The following STMN2 variants were observed in gnomAD, a reference collection of about 807,000 sequenced individuals.
STMN2 encodes the protein stathmin-2.
STMN2 carries 2 observed loss-of-function variants against 24.1 expected under a neutral mutation model. The observed-to-expected ratio is 0.08, with a 90% CI of 0.03 to 0.26. The LOEUF (loss-of-function observed/expected upper bound fraction) is 0.26. STMN2 is among the 10% of genes least tolerant of loss of function. STMN2 has a pLI of 1.00. For missense variants in STMN2, 114 were observed against 213.6 expected (o/e 0.53, Z 2.91); for synonymous variants, 83 against 77.5 (o/e 1.07, Z -0.37).
At chr8:79,636,403 C>T (rs1193831063) in intron 1 of STMN2, among the ~76,000 whole-genome samples, 1 of 152,164 alleles carries the variant, frequency 6.6e-6, no homozygotes, top group East Asian at 1.9e-4. Flanking sequence ...CCTCCGGAAT[C>T]TTACTTATGT....
chr8:79,638,279 C>T (rs1810012241), intron 2 of STMN2, among the ~76,000 whole-genome samples: 1 of 151,960 alleles, frequency 6.6e-6, no homozygotes, highest in Admixed American at 6.6e-5. Flanking sequence ...GACAAAGGAG[C>T]CAGGGATGGT....
At chr8:79,634,634 T>G (rs974113558) in intron 1 of STMN2, among the ~76,000 whole-genome samples, 2 of 152,244 alleles carry the variant, frequency 1.3e-5, no homozygotes, top group African/African-American at 2.4e-5. Flanking sequence ...ATCCAGAAGC[T>G]TCACCGTTGT....
rs1170390148 is a variant in STMN2 at position 79,611,179 on chromosome 8, G to A, written c.-17G>A. On this transcript the variant is annotated 5_prime_UTR_variant, in exon 1 of 5. Coordinates refer to ENST00000220876, the MANE Select transcript of STMN2 (RefSeq NM_007029.4). Reference sequence around the variant, plus strand: ...CCCTTTGCCTTCGCCACTGCTCAGCGTCTGCACATCCCTACAATGGCTAAA... The same window carrying A: ...CCCTTTGCCTTCGCCACTGCTCAGCATCTGCACATCCCTACAATGGCTAAA... 3 of 1,614,018 alleles carry A rather than the reference G, an allele frequency of 1.9e-6. No homozygotes were observed. The Admixed American group carries it at 5.0e-5, about 27-fold the overall frequency.
At chr8:79,637,270 A>G (rs564615438) in intron 2 of STMN2, among the ~76,000 whole-genome samples, 6 of 152,356 alleles carry the variant, frequency 3.9e-5, no homozygotes, top group African/African-American at 1.4e-4. Context: ...AAGAGAAAGA[A>G]TCAACAACCA....
At chr8:79,636,449 C>A (rs1333039879) in intron 1 of STMN2, among the ~76,000 whole-genome samples, 1 of 152,062 alleles carries the variant, frequency 6.6e-6, no homozygotes, top group Non-Finnish European at 1.5e-5. Flanking sequence ...TAGAATGAGC[C>A]TCTCTCTCTG....
chr8:79,655,556 G>A (rs1055061255), intron 4 of STMN2, among the ~76,000 whole-genome samples: 1 of 152,056 alleles, frequency 6.6e-6, no homozygotes, highest in Non-Finnish European at 1.5e-5. Context: ...CCATTCTAGG[G>A]TATAATAGCA....
At chr8:79,634,971 T>G (rs1261792386) in intron 1 of STMN2, among the ~76,000 whole-genome samples, 1 of 152,220 alleles carries the variant, frequency 6.6e-6, no homozygotes, top group East Asian at 1.9e-4. Context: ...CTGTTTATAC[T>G]TTCTCACAAG....
intron 4 of STMN2, among the ~76,000 whole-genome samples, chr8:79,661,378 G>T (rs1187645663): frequency 6.6e-6 from 1 of 151,984 alleles, no homozygotes; most frequent in Non-Finnish European, 1.5e-5. Context: ...GCATTTCCCT[G>T]ATGTTGACAA....
At position 79,657,805 on chromosome 8, in the gene STMN2, T is replaced by A. The variant is rs189021293; in HGVS notation, c.480+2743T>A. Among the ~76,000 whole-genome samples, 96 of 152,352 alleles carry A rather than the reference T, an allele frequency of 6.3e-4. No homozygotes were observed. The Middle Eastern group carries it at 0.01, about 16-fold the overall frequency. On this transcript the variant is annotated intron_variant, in intron 4 of 4. Coordinates refer to ENST00000220876, the MANE Select transcript of STMN2 (RefSeq NM_007029.4). ...AATTGTGGTTTACATATTGTGAATGTGTATACTAAAACTACTTTGCTTTTT... is the reference window on the plus strand; with the variant it reads ...AATTGTGGTTTACATATTGTGAATGAGTATACTAAAACTACTTTGCTTTTT...
At chr8:79,620,110 A>G (rs1018782467) in intron 1 of STMN2, among the ~76,000 whole-genome samples, 1 of 149,946 alleles carries the variant, frequency 6.7e-6, no homozygotes, top group Admixed American at 6.6e-5. Context: ...AAGCTCAAAT[A>G]ATTTATTCAG....
At position 79,636,871 on chromosome 8, in the gene STMN2, G is replaced by C. The variant is rs200432248; in HGVS notation, c.89G>C (p.Arg30Pro). 53 of 1,613,688 alleles carry C rather than the reference G, an allele frequency of 3.3e-5. No homozygotes were observed. In the South Asian group the frequency reaches 5.5e-4, roughly 17 times the overall value. Residue 30 changes from arginine to proline, a missense_variant, in exon 2 of 5, where the codon CGC becomes CCC. Arg to Pro is a moderately radical substitution (Grantham distance 103, BLOSUM62 -2). Coordinates refer to ENST00000220876, the MANE Select transcript of STMN2 (RefSeq NM_007029.4). Reference sequence around the variant, plus strand: ...TGCTCTTGCTTTTACCCGGAACCTCGCAACATCAACATCTATACTTACGAT... The same window carrying C: ...TGCTCTTGCTTTTACCCGGAACCTCCCAACATCAACATCTATACTTACGAT... ...LICSCFYPEP[R>P]NINIYTYDDM...
intron 1 of STMN2, among the ~76,000 whole-genome samples, chr8:79,627,490 G>C (rs1809684244): frequency 6.6e-6 from 1 of 152,180 alleles, no homozygotes; most frequent in African/African-American, 2.4e-5. Context: ...AATTCAAAGG[G>C]AGTTCCAGAT....
chr8:79,642,297 T>G (rs13280506), intron 3 of STMN2, among the ~76,000 whole-genome samples: 15,896 of 152,262 alleles, frequency 0.1, 1,161 homozygotes, highest in Middle Eastern at 0.16. Context: ...AAGGGTATTA[T>G]TTGAGAACAC....
At chr8:79,643,781 T>C (rs1810161339) in intron 3 of STMN2, among the ~76,000 whole-genome samples, 1 of 152,050 alleles carries the variant, frequency 6.6e-6, no homozygotes, top group Non-Finnish European at 1.5e-5. Flanking sequence ...ACTGGCCACA[T>C]GGTTAAAAGA....
intron 1 of STMN2, among the ~76,000 whole-genome samples, chr8:79,614,797 C>T (rs1353900879): frequency 6.6e-6 from 1 of 152,142 alleles, no homozygotes; most frequent in Non-Finnish European, 1.5e-5. Flanking sequence ...GCTATTACCT[C>T]ATTAATATTT....
intron 3 of STMN2, among the ~76,000 whole-genome samples, chr8:79,646,892 C>T (rs1286022473): frequency 1.3e-5 from 2 of 152,008 alleles, no homozygotes; most frequent in East Asian, 1.9e-4. Context: ...TCCACAGAGG[C>T]GAGAATGCAG....
At chr8:79,634,038 T>C (rs1249057761) in intron 1 of STMN2, among the ~76,000 whole-genome samples, 1 of 152,110 alleles carries the variant, frequency 6.6e-6, no homozygotes, top group Non-Finnish European at 1.5e-5. Flanking sequence ...TTTATTTTAT[T>C]TTTATGTTTG....
rs760163829 is a variant in STMN2, at chr8:79,654,966, C to T, written c.384C>T (p.Ser128=). Residue 128 remains serine, a synonymous_variant, in exon 4 of 5, where the codon AGC becomes AGT. Transcript: ENST00000220876. ...CTTTGGAGGAGAACAACAACTTCAG[C>T]AAGATGGCGGAGGAAAAGCTGATCC... ...QKALEENNNF[S]KMAEEKLILK... The T allele has an allele frequency of 3.7e-6, 6 of 1,613,850 alleles. No individual in the cohort carries two copies. In the Admixed American group the frequency reaches 8.3e-5, roughly 22 times the overall value.
chr8:79,637,511 CT>C (rs1300901737), intron 2 of STMN2, among the ~76,000 whole-genome samples: 2 of 152,182 alleles, frequency 1.3e-5, no homozygotes, highest in Non-Finnish European at 2.9e-5. Context: ...CTTACTTTGG[CT>C]CTGCCACAAT....
Sources: gnomAD v4.1 joint callset for allele counts (sites outside exome capture counted in the v4.1 genomes callset) on GRCh38, gnomAD v4.1.1 for gene constraint, MANE v1.5 for transcripts, NCBI Gene and HGNC (gene_info 2026-07-23, HGNC 2026-07-21) for gene names.